COL24A1: variants seen among roughly 807,000 people sequenced by gnomAD.
COL24A1 encodes the protein collagen alpha-1(XXIV) chain.
In COL24A1, 224 loss-of-function variants were observed where a neutral mutation model predicts 253.9. That is an observed-to-expected ratio of 0.88 (90% CI 0.79 to 0.99). The LOEUF is 0.99. Ranked by LOEUF, COL24A1 falls within the 50% of genes least tolerant of loss-of-function variation. The pLI is 0.00. For missense variants in COL24A1, 2,131 were observed against 2,068.5 expected, an observed-to-expected ratio of 1.03 and a Z score of -0.59; for synonymous variants, 685 against 673.7, an observed-to-expected ratio of 1.02 and a Z score of -0.26.
intron 43 of COL24A1, among the ~76,000 whole-genome samples, chr1:85,825,196 A>T (rs1344516629): frequency 6.6e-6 from 1 of 151,400 alleles, no homozygotes; most frequent in Non-Finnish European, 1.5e-5. Context: ...TTCTTGCGAT[A>T]GCTGACTGAG....
At chr1:85,845,042 G>A (rs1308707734) in intron 39 of COL24A1, among the ~76,000 whole-genome samples, 1 of 151,742 alleles carries the variant, frequency 6.6e-6, no homozygotes, top group African/African-American at 2.4e-5. Context: ...GAAGAAATAG[G>A]CCTACTTTGC....
chr1:85,925,156 A>G (rs576420030), intron 24 of COL24A1, among the ~76,000 whole-genome samples: 1 of 152,028 alleles, frequency 6.6e-6, no homozygotes, highest in Non-Finnish European at 1.5e-5. Flanking sequence ...CAAACCACTG[A>G]ACAATGAAAT....
chr1:86,012,355 C>G (rs558387981), intron 19 of COL24A1, among the ~76,000 whole-genome samples: 4 of 151,932 alleles, frequency 2.6e-5, no homozygotes, highest in Admixed American at 1.3e-4. Context: ...TTTGGGAGGC[C>G]GAGGTGGGCA....
chr1:85,927,386 C>T (rs924026385), intron 24 of COL24A1, among the ~76,000 whole-genome samples: 6 of 149,762 alleles, frequency 4.0e-5, no homozygotes, highest in East Asian at 2.0e-4. Context: ...GCTTAAGAAA[C>T]GGCGCACCAC....
intron 24 of COL24A1, among the ~76,000 whole-genome samples, chr1:85,919,648 T>C (rs1686251009): frequency 2.0e-5 from 3 of 152,122 alleles, no homozygotes; most frequent in Admixed American, 2.0e-4. Flanking sequence ...ATCACTGCAC[T>C]CCAGTCTGGG....
At chr1:86,091,714 C>T (rs1312630437) in intron 6 of COL24A1, among the ~76,000 whole-genome samples, 8 of 152,036 alleles carry the variant, frequency 5.3e-5, no homozygotes, top group Non-Finnish European at 1.0e-4. Flanking sequence ...GAAATGAAAG[C>T]ATACTGGACA....
chr1:85,799,706 C>A (rs754068390), intron 47 of COL24A1, among the ~76,000 whole-genome samples: 10 of 152,070 alleles, frequency 6.6e-5, no homozygotes, highest in Non-Finnish European at 1.3e-4. Flanking sequence ...CATGTGCAAA[C>A]CTTGGGGTTA....
intron 24 of COL24A1, among the ~76,000 whole-genome samples, chr1:85,930,466 C>T (rs894874821): frequency 1.9e-5 from 1 of 53,948 alleles, no homozygotes; most frequent in African/African-American, 8.0e-5. Flanking sequence ...AAAAAGAGTC[C>T]AGGACCAGAT....
At chr1:85,732,771 T>C (rs1570374056) in intron 59 of COL24A1, among the ~76,000 whole-genome samples, 1 of 152,218 alleles carries the variant, frequency 6.6e-6, no homozygotes, top group Non-Finnish European at 1.5e-5. Flanking sequence ...ACCAATAATA[T>C]ATTCTTTACA....
At chr1:85,887,145 A>G (rs1213708366) in intron 32 of COL24A1, among the ~76,000 whole-genome samples, 1 of 152,214 alleles carries the variant, frequency 6.6e-6, no homozygotes, top group Non-Finnish European at 1.5e-5. Context: ...TTATAAAGCA[A>G]GCTTATGAAG....
intron 33 of COL24A1, among the ~76,000 whole-genome samples, chr1:85,875,603 T>C (rs2102601596): frequency 1.3e-5 from 2 of 152,262 alleles, no homozygotes; most frequent in East Asian, 3.9e-4. Context: ...TTGTTCTTCC[T>C]TTCCCTTTCT....
chr1:85,997,740 C>T (rs1694977622), intron 19 of COL24A1, among the ~76,000 whole-genome samples: 1 of 149,140 alleles, frequency 6.7e-6, no homozygotes, highest in Non-Finnish European at 1.5e-5. Context: ...AAGATCGCGC[C>T]ACTGCACTCC....
intron 43 of COL24A1, among the ~76,000 whole-genome samples, chr1:85,829,060 A>C (rs1233944024): frequency 1.3e-5 from 2 of 151,958 alleles, no homozygotes; most frequent in Non-Finnish European, 2.9e-5. Flanking sequence ...AGTGGCTGGT[A>C]CCGGTTGTTC....
intron 28 of COL24A1, among the ~76,000 whole-genome samples, chr1:85,905,377 G>C (rs1033702123): frequency 6.6e-6 from 1 of 152,050 alleles, no homozygotes; most frequent in Non-Finnish European, 1.5e-5. Flanking sequence ...GAAGAGAGAA[G>C]AGAGTAAAAA....
chr1:86,062,481 A>G (rs1444828174), intron 8 of COL24A1, among the ~76,000 whole-genome samples: 3 of 151,964 alleles, frequency 2.0e-5, no homozygotes. Flanking sequence ...TTGGTTTTAG[A>G]CTGTTCTAAA....
chr1:86,003,598 G>C (rs1320023475), intron 19 of COL24A1, among the ~76,000 whole-genome samples: 1 of 152,020 alleles, frequency 6.6e-6, no homozygotes, highest in African/African-American at 2.4e-5. Flanking sequence ...CAGCAAAAAA[G>C]GTACACTTAT....
At chr1:85,848,660 T>C (rs1215565840) in intron 38 of COL24A1, among the ~76,000 whole-genome samples, 1 of 152,140 alleles carries the variant, frequency 6.6e-6, no homozygotes, top group African/African-American at 2.4e-5. Context: ...TTAAACAACA[T>C]TGTGTTATTC....
chr1:85,881,008 G>A (rs972929266), intron 32 of COL24A1, among the ~76,000 whole-genome samples: 2 of 152,174 alleles, frequency 1.3e-5, no homozygotes, highest in African/African-American at 4.8e-5. Context: ...GTCTGGTTTT[G>A]TTTTTAAGGT....
chr1:85,919,478 A>G (rs1686232500), intron 24 of COL24A1, among the ~76,000 whole-genome samples: 1 of 152,198 alleles, frequency 6.6e-6, no homozygotes, highest in Non-Finnish European at 1.5e-5. Flanking sequence ...CAGGAGTTCA[A>G]GACCAGCCTG....
Sources: allele counts gnomAD v4.1 joint callset (sites outside exome capture counted in the v4.1 genomes callset), GRCh38; gene constraint gnomAD v4.1.1; transcripts MANE v1.5; gene names NCBI Gene and HGNC (gene_info 2026-07-23, HGNC 2026-07-21).